Variants in B3GNT4 observed in about 807,000 individuals in gnomAD.
B3GNT4 encodes UDP-GlcNAc:betaGal beta-1,3-N-acetylglucosaminyltransferase 4, also known as N-acetyllactosaminide beta-1,3-N-acetylglucosaminyltransferase 4.
B3GNT4 carries 2 observed loss-of-function variants against 2.7 expected under a neutral mutation model. That is an observed-to-expected ratio of 0.73 (90% CI 0.30 to 2.31). B3GNT4 has a LOEUF of 2.31. B3GNT4 is among the 30% of genes most tolerant of loss of function. The pLI, the probability that B3GNT4 is intolerant of heterozygous loss-of-function variation, is 0.12. For missense variants in B3GNT4, 708 were observed against 490.9 expected (o/e 1.44, Z -4.18); for synonymous variants, 280 against 203.4 (o/e 1.38, Z -3.20).
At position 122,206,623 on chromosome 12, in the gene B3GNT4, C is replaced by G. The variant is rs1359725201; in HGVS notation, c.372C>G (p.Ile124Met). The G allele has an allele frequency of 3.1e-6, 5 of 1,613,970 alleles. No individual in the cohort carries two copies. The African/African-American group carries it at 4.0e-5, about 13-fold the overall frequency. Residue 124 changes from isoleucine (I) to methionine (M), a missense_variant, in exon 3 of 3, where the codon ATC (isoleucine) becomes ATG (methionine). Coordinates refer to ENST00000324189, the MANE Select transcript of B3GNT4 (RefSeq NM_030765.4). Reference protein sequence around the residue: ...CSKDTFLLLAIKSQPGHVERR... With the variant: ...CSKDTFLLLAMKSQPGHVERR... ...AGGATACCTTCTTGCTCCTGGCCAT[C>G]AAGTCACAGCCTGGTCACGTGGAGC...
At position 122,206,559 on chromosome 12, in the gene B3GNT4, G is replaced by GAAATTTCTCGA; in HGVS notation, c.317_318insGAAAATTTCTC (p.Ile107LysfsTer51). The GAAATTTCTCGA allele has an allele frequency of 6.2e-7, 1 of 1,614,196 alleles. No individual in the cohort carries two copies. The highest frequency in any genetic ancestry group is 8.5e-7 in the Non-Finnish European group (1 of 1,180,044). On this transcript the variant is annotated frameshift_variant, in exon 3 of 3. Transcript: ENST00000324189. LOFTEE classifies it low-confidence loss of function (END_TRUNC). ...CTCTTCTTGACCTATCGTCACTGCC[G>GAAATTTCTCGA]AAATTTCTCTATCTTGCTGGAGCCT...
In B3GNT4 at chr12:122,206,454, C is replaced by T. The variant is rs759338574; in HGVS notation, c.203C>T (p.Pro68Leu). 1.2e-5 allele frequency: 19 copies of T among 1,613,986 alleles called. No homozygotes were observed. The Middle Eastern group carries it at 4.9e-4, about 42-fold the overall frequency. ...ACGGCCCACCAGCCTTTCTGGGCTC[C>T]CCCAACACCCCGTCACAGCCGGTGT... ...DPTAHQPFWAPPTPRHSRCPP... is the reference protein window; with the variant it reads ...DPTAHQPFWALPTPRHSRCPP... The change falls in exon 3 of 3, where the codon CCC becomes CTC. Residue 68 changes from proline to leucine, a missense_variant. Transcript: ENST00000324189.
At position 122,207,456 on chromosome 12, in the gene B3GNT4, G is replaced by A; in HGVS notation, c.*68G>A. 1.4e-6 allele frequency: 2 copies of A among 1,384,830 alleles called. No individual in the cohort carries two copies. The highest frequency in any genetic ancestry group is 1.9e-6 in the Non-Finnish European group (2 of 1,042,320). The allele number at this position is 1,384,830 out of a possible 1,614,324, so 85.8% of individuals were successfully genotyped here. A position where few individuals can be genotyped will look rare whatever the true frequency, so the allele number is the denominator to read the frequency against. ...TTCTCTATCGTGATGCGAAATTGAT[G>A]CCTGCTGCTCTACAGAAAATGCCAA... On this transcript the variant is annotated 3_prime_UTR_variant, in exon 3 of 3. Transcript: ENST00000324189.
rs763189832 is a variant in B3GNT4, at chr12:122,206,714, C to G, written c.463C>G (p.Leu155Val). 1 of 1,609,684 alleles carries G rather than the reference C, an allele frequency of 6.2e-7. No homozygotes were observed. The highest frequency in any genetic ancestry group is 2.2e-5 in the East Asian group (1 of 44,818). The part of the protein sequence containing the change: ...GGWARGRQLK[L>V]VFLLGVAGSA... Reference sequence around the variant, plus strand: ...ATGGGCTAGGGGCCGGCAGCTGAAGCTGGTGTTCCTCCTAGGGGTGGCAGG... The same window carrying G: ...ATGGGCTAGGGGCCGGCAGCTGAAGGTGGTGTTCCTCCTAGGGGTGGCAGG... Residue 155 changes from leucine (L) to valine (V), a missense_variant, in exon 3 of 3, where the codon CTG (leucine) becomes GTG (valine). Physicochemically the swap from Leu to Val is conservative, Grantham distance 32. Coordinates refer to ENST00000324189, the MANE Select transcript of B3GNT4 (RefSeq NM_030765.4).
rs1451254737 is a variant in B3GNT4, at chr12:122,208,823, G to A, written c.*1435G>A. 1.6e-6 allele frequency: 1 copy of A among 607,692 alleles called. No individual in the cohort carries two copies. Among genetic ancestry groups the A allele is most frequent in the Non-Finnish European group, 3.1e-6 (1 of 325,068 alleles). The allele number at this position is 607,692 out of a possible 1,614,324, so 37.6% of individuals were successfully genotyped here. A position where few individuals can be genotyped will look rare whatever the true frequency, so the allele number is the denominator to read the frequency against. ...GCGGCCAACATCACAATTATTAAATGCAACTCTCACAATCATCTTTATAGC... is the reference window on the plus strand; with the variant it reads ...GCGGCCAACATCACAATTATTAAATACAACTCTCACAATCATCTTTATAGC... On this transcript the variant is annotated 3_prime_UTR_variant, in exon 3 of 3. Coordinates refer to ENST00000324189, the MANE Select transcript of B3GNT4 (RefSeq NM_030765.4).
At chr12:122,204,842 C>T in intron 2 of B3GNT4, 158 bp downstream of exon 2, 1 of 625,066 alleles carries the variant, frequency 1.6e-6, no homozygotes, top group East Asian at 2.9e-5. Flanking sequence ...GAGTTCCAGA[C>T]CAGCCCAGGC....
rs561146290 is a variant in B3GNT4 at position 122,208,941 on chromosome 12, A to C, written c.*1553A>C. 6 of 372,470 alleles carry C rather than the reference A, an allele frequency of 1.6e-5. No individual in the cohort carries two copies. The East Asian group carries it at 4.2e-4, about 26-fold the overall frequency. 23.1% of individuals were successfully genotyped at this position (372,470 alleles called of 1,614,324 possible). On this transcript the variant is annotated 3_prime_UTR_variant, in exon 3 of 3. Transcript: ENST00000324189. Reference sequence around the variant, plus strand: ...AAGAGATCATGAATAAAATTGTCAAAGATCCCTTTCATCACCTTGACTAAT... The same window carrying C: ...AAGAGATCATGAATAAAATTGTCAACGATCCCTTTCATCACCTTGACTAAT...
rs374677108 is a variant in B3GNT4, at chr12:122,204,562, CCCG to C, written c.-42_-40del. The stretch of plus-strand genomic sequence containing the variant: ...CACCTGAGACTCATCTCGCTTCGAC[CCCG>C]CCGCCGCCGCCGCCCGGCATCCTGA... On this transcript the variant is annotated 5_prime_UTR_variant, in exon 2 of 3. Transcript: ENST00000324189. 5.0e-4 allele frequency: 714 copies of C among 1,425,600 alleles called. 1 individual carries two copies. Among genetic ancestry groups the C allele is most frequent in the Non-Finnish European group, 5.9e-4 (605 of 1,021,206 alleles). The allele number at this position is 1,425,600 out of a possible 1,614,324, so 88.3% of individuals were successfully genotyped here.
At position 122,208,273 on chromosome 12, in the gene B3GNT4, T is replaced by C. The variant is rs12870; in HGVS notation, c.*885T>C. On this transcript the variant is annotated 3_prime_UTR_variant, in exon 3 of 3. Transcript: ENST00000324189. Reference sequence around the variant, plus strand: ...TCTCGCCTGATTGGCCAGGGCAGGATCTGCCGCCTCTTCTCGGTGCACAGA... The same window carrying C: ...TCTCGCCTGATTGGCCAGGGCAGGACCTGCCGCCTCTTCTCGGTGCACAGA... 0.6 allele frequency: 807,109 copies of C among 1,350,324 alleles called. 245,794 individuals are homozygous for C. Among genetic ancestry groups the C allele is most frequent in the African/African-American group, 0.89 (61,763 of 69,616 alleles). 83.6% of individuals were successfully genotyped at this position (1,350,324 alleles called of 1,614,324 possible).
At chr12:122,206,005 G>A (rs1201191104) in intron 2 of B3GNT4, 3 of 364,858 alleles carry the variant, frequency 8.2e-6, no homozygotes, top group East Asian at 4.3e-5. Flanking sequence ...AACTCATCAG[G>A]TGCTCGAGTT....
rs1041072856 is a variant in B3GNT4 at position 122,206,568 on chromosome 12, C to T, written c.317C>T (p.Ser106Phe). 42 of 1,614,122 alleles carry T rather than the reference C, an allele frequency of 2.6e-5. No individual in the cohort carries two copies. The highest frequency in any genetic ancestry group is 3.3e-5 in the Non-Finnish European group (39 of 1,180,050). Residue 106 changes from serine (S) to phenylalanine (F), a missense_variant, in exon 3 of 3, where the codon TCT becomes TTT. Physicochemically the swap from Ser to Phe is radical, Grantham distance 155 (BLOSUM62 -2). Coordinates refer to ENST00000324189, the MANE Select transcript of B3GNT4 (RefSeq NM_030765.4). ...ACCTATCGTCACTGCCGAAATTTCTCTATCTTGCTGGAGCCTTCAGGCTGT... is the reference window on the plus strand; with the variant it reads ...ACCTATCGTCACTGCCGAAATTTCTTTATCTTGCTGGAGCCTTCAGGCTGT... ...FLTYRHCRNF[S>F]ILLEPSGCSK...
In B3GNT4 at chr12:122,206,506, C is replaced by G. The variant is rs774274113; in HGVS notation, c.255C>G (p.Ala85=). 7 of 1,614,090 alleles carry G rather than the reference C, an allele frequency of 4.3e-6. No individual in the cohort carries two copies. Among genetic ancestry groups the G allele is most frequent in the Non-Finnish European group, 5.9e-6 (7 of 1,179,924 alleles). ...RCPPNHTVSS[A]SLSLPSRHRL... ...CACCCAACCACACAGTGTCTAGCGCCTCTCTGTCCCTGCCTAGCCGTCACC... is the reference window on the plus strand; with the variant it reads ...CACCCAACCACACAGTGTCTAGCGCGTCTCTGTCCCTGCCTAGCCGTCACC... Residue 85 remains alanine, a synonymous_variant, in exon 3 of 3, where the codon GCC becomes GCG. Coordinates refer to ENST00000324189, the MANE Select transcript of B3GNT4 (RefSeq NM_030765.4).
At position 122,207,450 on chromosome 12, in the gene B3GNT4, AT is replaced by A; in HGVS notation, c.*64del. ...TGTTGATTCTCTATCGTGATGCGAA[AT>A]TGATGCCTGCTGCTCTACAGAAAAT... On this transcript the variant is annotated 3_prime_UTR_variant, in exon 3 of 3. Transcript: ENST00000324189. 7.1e-7 allele frequency: 1 copy of A among 1,403,104 alleles called. No individual in the cohort carries two copies. The allele number at this position is 1,403,104 out of a possible 1,614,324, so 86.9% of individuals were successfully genotyped here.
rs1297875970 is a variant in B3GNT4 at position 122,206,621 on chromosome 12, A to C, written c.370A>C (p.Ile124Leu). The change falls in exon 3 of 3, where the codon ATC becomes CTC. Residue 124 changes from isoleucine (I) to leucine (L), a missense_variant. Physicochemically the swap from Ile to Leu is conservative, Grantham distance 5. Coordinates refer to ENST00000324189, the MANE Select transcript of B3GNT4 (RefSeq NM_030765.4). ...CAAGGATACCTTCTTGCTCCTGGCC[A>C]TCAAGTCACAGCCTGGTCACGTGGA... ...CSKDTFLLLA[I>L]KSQPGHVERR... 6.2e-7 allele frequency: 1 copy of C among 1,614,080 alleles called. No individual in the cohort carries two copies. The highest frequency in any genetic ancestry group is 1.7e-5 in the Admixed American group (1 of 60,028).
At position 122,207,200 on chromosome 12, in the gene B3GNT4, C is replaced by A. The variant is rs760975394; in HGVS notation, c.949C>A (p.Leu317Met). The A allele has an allele frequency of 5.6e-6, 9 of 1,613,904 alleles. No individual in the cohort carries two copies. In the African/African-American group the frequency reaches 1.1e-4, roughly 19 times the overall value. Residue 317 changes from leucine to methionine, a missense_variant, in exon 3 of 3, where the codon CTG (leucine) becomes ATG (methionine). Coordinates refer to ENST00000324189, the MANE Select transcript of B3GNT4 (RefSeq NM_030765.4). Reference protein sequence around the residue: ...FVGMCLRRLGLSPMHHAGFKT... With the variant: ...FVGMCLRRLGMSPMHHAGFKT... Reference sequence around the variant, plus strand: ...GGGTATGTGCCTGAGGCGGCTGGGGCTGAGCCCTATGCACCATGCTGGCTT... The same window carrying A: ...GGGTATGTGCCTGAGGCGGCTGGGGATGAGCCCTATGCACCATGCTGGCTT...
Position 122,208,479 on chromosome 12 carries a change from G to A in B3GNT4, c.*1091G>A. On this transcript the variant is annotated 3_prime_UTR_variant, in exon 3 of 3. Transcript: ENST00000324189. ...AGCTCTTCTATCTGTGCTTCTGCCAGCTTGGTTTCTGCTTTCCGGGAGAGC... is the reference window on the plus strand; with the variant it reads ...AGCTCTTCTATCTGTGCTTCTGCCAACTTGGTTTCTGCTTTCCGGGAGAGC... The A allele has an allele frequency of 6.2e-7, 1 of 1,614,164 alleles. No homozygotes were observed. The highest frequency in any genetic ancestry group is 2.2e-5 in the East Asian group (1 of 44,890).
Position 122,208,507 on chromosome 12 carries a change from G to C in B3GNT4, c.*1119G>C. 1 of 1,614,086 alleles carries C rather than the reference G, an allele frequency of 6.2e-7. No individual in the cohort carries two copies. Among genetic ancestry groups the C allele is most frequent in the Non-Finnish European group, 8.5e-7 (1 of 1,180,042 alleles). On this transcript the variant is annotated 3_prime_UTR_variant, in exon 3 of 3. Transcript: ENST00000324189. ...TGGTTTCTGCTTTCCGGGAGAGCTG[G>C]TGCACCTCTTCCACCTGCAGTTTCA...
In B3GNT4 at chr12:122,206,957, G is replaced by A. The variant is rs951972920; in HGVS notation, c.706G>A (p.Asp236Asn). 3 of 1,613,000 alleles carry A rather than the reference G, an allele frequency of 1.9e-6. No individual in the cohort carries two copies. Among genetic ancestry groups the A allele is most frequent in the African/African-American group, 2.7e-5 (2 of 75,000 alleles). ...CGTGTTAGAGTTCCTGGATGGCTGG[G>A]ACCCAGCCCAGGACCTCCTGGTGGG... ...PNVLEFLDGW[D>N]PAQDLLVGDV... Residue 236 changes from aspartate to asparagine, a missense_variant, in exon 3 of 3, where the codon GAC becomes AAC. Transcript: ENST00000324189.
Position 122,206,355 on chromosome 12 carries a change from CG to C in B3GNT4, c.105del (p.Tyr36ThrfsTer14), listed in dbSNP as rs758542270. On this transcript the variant is annotated frameshift_variant, in exon 3 of 3. Coordinates refer to ENST00000324189, the MANE Select transcript of B3GNT4 (RefSeq NM_030765.4). LOFTEE classifies it low-confidence loss of function (END_TRUNC). Reference sequence around the variant, plus strand: ...CTCTGCAGGCTGTGCTGGCTGGTCTCGTACAGCTTGGCTGTGCTGTTGCTCG... The same window carrying C: ...CTCTGCAGGCTGTGCTGGCTGGTCTCTACAGCTTGGCTGTGCTGTTGCTCG... Reference protein sequence around the residue: ...AMLCRLCWLVSYSLAVLLLGC... With the variant: ...AMLCRLCWLVXYSLAVLLLGC... 9 of 1,601,034 alleles carry C rather than the reference CG, an allele frequency of 5.6e-6. No homozygotes were observed. Among genetic ancestry groups the C allele is most frequent in the Admixed American group, 1.7e-5 (1 of 59,368 alleles).
Sources: allele counts gnomAD v4.1 joint callset, GRCh38; gene constraint gnomAD v4.1.1; transcripts MANE v1.5; gene names NCBI Gene and HGNC (gene_info 2026-07-23, HGNC 2026-07-21).